The following UVSSA variants were observed in gnomAD, a reference collection of about 807,000 sequenced individuals.
UVSSA encodes UV-stimulated scaffold protein A.
UVSSA carries 72 observed loss-of-function variants against 73.9 expected under a neutral mutation model. The observed-to-expected ratio is 0.97, with a 90% CI of 0.81 to 1.19. UVSSA has a LOEUF of 1.19. UVSSA is among the 50% of genes most tolerant of loss of function. The pLI is 0.00. For missense variants in UVSSA, 1,150 were observed against 965.0 expected (o/e 1.19, Z -2.54); for synonymous variants, 454 against 391.3 (o/e 1.16, Z -1.89).
chr4:1,384,048 G>C, intron 13 of UVSSA, 108 bp downstream of exon 13: 1 of 1,354,514 alleles, frequency 7.4e-7, no homozygotes, highest in Non-Finnish European at 9.8e-7. Context: ...GGGCCTCCAG[G>C]GGCTCCCCTG....
chr4:1,383,134 G>A (rs1440497978), intron 12 of UVSSA, among the ~76,000 whole-genome samples: 2 of 152,184 alleles, frequency 1.3e-5, no homozygotes, highest in South Asian at 2.1e-4. Flanking sequence ...TCCCCTCACT[G>A]CCACAGGGCC....
Position 1,351,735 on chromosome 4 carries a change from T to C in UVSSA, c.450T>C (p.Asn150=). Residue 150 remains asparagine (N), a synonymous_variant, in exon 4 of 14, where the codon AAT becomes AAC. Transcript: ENST00000389851. ...CTCAGGTGGATTTTCAAGACACGAA[T>C]GCTCGGAGTCTGGCAGAAAGGAAGA... ...HNKKVDFQDT[N]ARSLAERKRE... The C allele has an allele frequency of 1.2e-6, 2 of 1,613,454 alleles. No homozygotes were observed. The highest frequency in any genetic ancestry group is 8.5e-7 in the Non-Finnish European group (1 of 1,179,714).
intron 5 of UVSSA, 175 bp from the exon 6 acceptor site, chr4:1,354,560 G>T: frequency 3.3e-6 from 2 of 609,300 alleles, no homozygotes; most frequent in Non-Finnish European, 5.9e-6. Flanking sequence ...TCTTTTCTAA[G>T]ATAATAAAAC....
At chr4:1,345,754 C>G (rs1713617287), upstream of UVSSA, among the ~76,000 whole-genome samples, 3 of 150,824 alleles carry the variant, frequency 2.0e-5, no homozygotes, top group South Asian at 6.3e-4. Context: ...GCTGAGAGGA[C>G]ACCCCGGGGC....
At position 1,380,212 on chromosome 4, in the gene UVSSA, G is replaced by C. The variant is rs148515747; in HGVS notation, c.1734G>C (p.Glu578Asp). The C allele has an allele frequency of 1.9e-6, 3 of 1,611,984 alleles. No homozygotes were observed. The highest frequency in any genetic ancestry group is 2.5e-6 in the Non-Finnish European group (3 of 1,179,508). ...CGAGGCCAGACGGCCGGCTCTGTGA[G>C]CGCCAAGACCGGCTGAAGGTGAGGC... ...RAPRPDGRLC[E>D]RQDRLKCPFH... The change falls in exon 11 of 14, where the codon GAG becomes GAC. Residue 578 changes from glutamate (E) to aspartate (D), a missense_variant. By Grantham distance (45) the Glu-to-Asp change is conservative (BLOSUM62 2). Transcript: ENST00000389851.
At chr4:1,366,105 C>T (rs1169334091) in intron 7 of UVSSA, 2 of 446,820 alleles carry the variant, frequency 4.5e-6, no homozygotes, top group South Asian at 3.4e-5. Flanking sequence ...CTAAACAGCC[C>T]CCAGCACAGG....
chr4:1,345,384 C>T (rs1713587543), upstream of UVSSA, among the ~76,000 whole-genome samples: 1 of 152,070 alleles, frequency 6.6e-6, no homozygotes, highest in South Asian at 2.1e-4. Flanking sequence ...GTGGCTCACG[C>T]CTGTAATCCC....
upstream of UVSSA, among the ~76,000 whole-genome samples, chr4:1,343,211 C>G (rs536601460): frequency 6.6e-6 from 1 of 152,158 alleles, no homozygotes; most frequent in Non-Finnish European, 1.5e-5. Context: ...GGCCTCTCTT[C>G]CCGGCTTGCA....
At chr4:1,344,488 T>G (rs1046722554), upstream of UVSSA, among the ~76,000 whole-genome samples, 2 of 151,582 alleles carry the variant, frequency 1.3e-5, no homozygotes, top group African/African-American at 4.9e-5. Context: ...GAGGCAGAGG[T>G]TGCAGTGAGC....
At position 1,386,167 on chromosome 4, in the gene UVSSA, C is replaced by G. The variant is rs1293702017; in HGVS notation, c.*206C>G. On this transcript the variant is annotated 3_prime_UTR_variant, in exon 14 of 14. Transcript: ENST00000389851. ...TCGTCTGGTGATGGGTCTGGCCTCG[C>G]AGAAGAGGCCCTCGGGCCTGGAGAT... 11 of 574,588 alleles carry G rather than the reference C, an allele frequency of 1.9e-5. No homozygotes were observed. The East Asian group carries it at 3.4e-4, about 18-fold the overall frequency. The allele number at this position is 574,588 out of a possible 1,614,324, so 35.6% of individuals were successfully genotyped here.
At chr4:1,362,769 G>A (rs893744724) in intron 7 of UVSSA, among the ~76,000 whole-genome samples, 10 of 152,210 alleles carry the variant, frequency 6.6e-5, no homozygotes, top group African/African-American at 2.4e-4. Flanking sequence ...GGACCACGTG[G>A]AAGGGGGGCT....
At chr4:1,356,421 C>G (rs527523013) in intron 7 of UVSSA, among the ~76,000 whole-genome samples, 2 of 152,190 alleles carry the variant, frequency 1.3e-5, no homozygotes, top group Non-Finnish European at 2.9e-5. Flanking sequence ...CCTTTAAGTC[C>G]GAAACTGACT....
At position 1,385,955 on chromosome 4, in the gene UVSSA, G is replaced by A. The variant is rs768101458; in HGVS notation, c.2124G>A (p.Leu708=). Residue 708 remains leucine (L), a synonymous_variant, in exon 14 of 14, where the codon CTG becomes CTA. Transcript: ENST00000389851. ...TTTCAAACCAGTTTAACTACGCACT[G>A]AACTAGAGAGCGGGGCCCAGTGCAC... The part of the protein sequence containing the change: ...EKFSNQFNYA[L]N 6.2e-7 allele frequency: 1 copy of A among 1,613,988 alleles called. No homozygotes were observed. Among genetic ancestry groups the A allele is most frequent in the African/African-American group, 1.3e-5 (1 of 75,064 alleles).
chr4:1,375,407 G>GTGGA lies in UVSSA; in HGVS notation c.1332_1333insTGGA (p.Arg445TrpfsTer82). On this transcript the variant is annotated frameshift_variant, in exon 9 of 14. Transcript: ENST00000389851. LOFTEE classifies it high-confidence loss of function. The stretch of plus-strand genomic sequence containing the variant: ...AGAAAGACACAGTTGTGCGGTGCTT[G>GTGGA]CGGACGAGGACGAGGATGGACGAGG... 1 of 1,613,622 alleles carries GTGGA rather than the reference G, an allele frequency of 6.2e-7. No individual in the cohort carries two copies. The highest frequency in any genetic ancestry group is 8.5e-7 in the Non-Finnish European group (1 of 1,180,016).
chr4:1,375,378 C>T lies in UVSSA; in HGVS notation c.1303C>T (p.Pro435Ser). 2.5e-6 allele frequency: 4 copies of T among 1,613,498 alleles called. No homozygotes were observed. The highest frequency in any genetic ancestry group is 1.1e-5 in the South Asian group (1 of 91,074). ...GTCTGTTTCAGGGCTGGAGGCAGCA[C>T]CAGAGAAAGACACAGTTGTGCGGTG... Reference protein sequence around the residue: ...LRPEYGLEAAPEKDTVVRCLR... With the variant: ...LRPEYGLEAASEKDTVVRCLR... The change falls in exon 9 of 14, where the codon CCA becomes TCA. Residue 435 changes from proline to serine, a missense_variant. Coordinates refer to ENST00000389851, the MANE Select transcript of UVSSA (RefSeq NM_020894.4).
intron 11 of UVSSA, chr4:1,380,524 C>T (rs1719352028): frequency 8.2e-6 from 8 of 977,088 alleles, no homozygotes; most frequent in Non-Finnish European, 1.2e-5. Context: ...CGGGTCTGTG[C>T]TGGGCCTGGG....
Position 1,386,067 on chromosome 4 carries a change from C to A in UVSSA, c.*106C>A. 2 of 1,176,544 alleles carry A rather than the reference C, an allele frequency of 1.7e-6. No individual in the cohort carries two copies. The highest frequency in any genetic ancestry group is 1.9e-5 in the Admixed American group (1 of 53,702). 72.9% of individuals were successfully genotyped at this position (1,176,544 alleles called of 1,614,324 possible). A position where few individuals can be genotyped will look rare whatever the true frequency, so the allele number is the denominator to read the frequency against. On this transcript the variant is annotated 3_prime_UTR_variant, in exon 14 of 14. Coordinates refer to ENST00000389851, the MANE Select transcript of UVSSA (RefSeq NM_020894.4). ...GGCAGTAACCATGCTTTGTCTATTA[C>A]TGTGTTTGATGTAAAGAAATGGTGT...
At chr4:1,365,292 G>C (rs1053538064) in intron 7 of UVSSA, among the ~76,000 whole-genome samples, 2 of 152,236 alleles carry the variant, frequency 1.3e-5, no homozygotes, top group African/African-American at 2.4e-5. Flanking sequence ...CAACAGAGCA[G>C]GCCTGCCTGG....
At chr4:1,349,059 G>GGAGTTTGT (rs1714224098) in intron 2 of UVSSA, among the ~76,000 whole-genome samples, 1 of 46,626 alleles carries the variant, frequency 2.1e-5, no homozygotes, top group Non-Finnish European at 5.8e-5. Context: ...CCGGGCGGTT[G>GGAGTTTGT]GCGTTTGTGC....
Sources: allele counts gnomAD v4.1 joint callset (sites outside exome capture counted in the v4.1 genomes callset), GRCh38; gene constraint gnomAD v4.1.1; transcripts MANE v1.5; gene names NCBI Gene and HGNC (gene_info 2026-07-23, HGNC 2026-07-21).